The following TSPEAR variants were observed in gnomAD, a reference collection of about 807,000 sequenced individuals.
TSPEAR encodes the protein thrombospondin-type laminin G domain and EAR repeat-containing protein.
TSPEAR carries 69 observed loss-of-function variants against 71.6 expected under a neutral mutation model. The ratio of observed to expected loss-of-function variants is 0.96; its 90% CI spans 0.79 to 1.18. TSPEAR has a LOEUF of 1.18. Among genes scored for constraint, TSPEAR ranks in the 50% most tolerant of loss-of-function variants. The pLI, the probability that TSPEAR is intolerant of heterozygous loss-of-function variation, is 0.00. For missense variants in TSPEAR, 971 were observed against 894.9 expected (o/e 1.09, Z -1.09); for synonymous variants, 402 against 387.2 (o/e 1.04, Z -0.45).
chr21:44,622,929 A>G (rs891061041), intron 1 of TSPEAR, among the ~76,000 whole-genome samples: 2 of 151,974 alleles, frequency 1.3e-5, no homozygotes, highest in Non-Finnish European at 2.9e-5. Flanking sequence ...ATAGTGAGGG[A>G]GTTCTGGCAA....
chr21:44,612,812 A>G lies in TSPEAR; in HGVS notation c.83-44807T>C, dbSNP rs1981804386. On this transcript the variant is annotated intron_variant, in intron 1 of 11. Transcript: ENST00000323084. The surrounding 1 kb of genome is among the most constrained non-coding windows in gnomAD (Gnocchi z 4.1). ...TGTCCCTGCCTCCTCCTGCCAGCCC[A>G]GCTGCTGCCACCCGGCCTCCTGCCT... 2 of 1,611,914 alleles carry G rather than the reference A, an allele frequency of 1.2e-6. No homozygotes were observed. Among genetic ancestry groups the G allele is most frequent in the African/African-American group, 2.7e-5 (2 of 74,298 alleles).
In TSPEAR at chr21:44,698,884, AAC is replaced by A. The variant is rs563244205; in HGVS notation, c.82+12547_82+12548del. On this transcript the variant is annotated intron_variant, in intron 1 of 11. Coordinates refer to ENST00000323084, the MANE Select transcript of TSPEAR (RefSeq NM_144991.3). ...AAATAGATAAAGCTCCAGCCGGGGC[AAC>A]AGAGTGAAACCTTGTCTCCATTAAA... 1.4e-4 allele frequency among the ~76,000 whole-genome samples: 22 copies of A among 152,374 alleles called. No homozygotes were observed. The East Asian group carries it at 1.7e-3, about 12-fold the overall frequency.
Position 44,527,393 on chromosome 21 carries a change from T to C in TSPEAR, c.1048A>G (p.Thr350Ala), listed in dbSNP as rs782478995. ...LFVATANRKA[T>A]SAVYKWTEEK... ...TCGGTCCACTTGTAGACGGCGGATG[T>C]GGCTTTGCGATTGGCTGTGGCCACA... Residue 350 changes from threonine to alanine, a missense_variant, in exon 7 of 12, where the codon ACA (threonine) becomes GCA (alanine). By Grantham distance (58) the Thr-to-Ala change is moderately conservative. Transcript: ENST00000323084. 1.2e-6 allele frequency: 2 copies of C among 1,614,180 alleles called. No individual in the cohort carries two copies. Among genetic ancestry groups the C allele is most frequent in the South Asian group, 2.2e-5 (2 of 91,078 alleles).
intron 1 of TSPEAR, among the ~76,000 whole-genome samples, chr21:44,682,333 T>G (rs1555948211): frequency 5.9e-5 from 9 of 152,224 alleles, no homozygotes; most frequent in Non-Finnish European, 2.9e-5. Context: ...GTTTCGTGAC[T>G]AATTGCACCC....
chr21:44,571,221 A>G (rs1183671879), intron 1 of TSPEAR, among the ~76,000 whole-genome samples: 1 of 152,252 alleles, frequency 6.6e-6, no homozygotes, highest in Non-Finnish European at 1.5e-5. Context: ...TGTAAAAAGG[A>G]CAATACGTTG....
At chr21:44,601,970 C>T in intron 1 of TSPEAR, 1 of 638,076 alleles carries the variant, frequency 1.6e-6, no homozygotes. Context: ...GCAGTGACCC[C>T]AGCAAGGCCA....
At chr21:44,685,038 C>A (rs148743471) in intron 1 of TSPEAR, among the ~76,000 whole-genome samples, 3 of 152,136 alleles carry the variant, frequency 2.0e-5, no homozygotes, top group African/African-American at 7.2e-5. Context: ...GGCCACAGAT[C>A]GGCTCTGGGT....
intron 1 of TSPEAR, chr21:44,601,494 T>C: frequency 6.2e-7 from 1 of 1,612,514 alleles, no homozygotes; most frequent in Non-Finnish European, 8.5e-7. Context: ...GCCAGCAGTC[T>C]AGCTGCCAGC....
rs377124840 is a variant in TSPEAR at position 44,539,416 on chromosome 21, A to G, written c.304-5493T>C. On this transcript the variant is annotated intron_variant, in intron 2 of 11. Transcript: ENST00000323084. ...GGGCACAGCAGGAGGAGACAGGCAT[A>G]CAGCAGGCGGGCCGGCATACAGGGC... The G allele has an allele frequency of 4.0e-4, 646 of 1,602,528 alleles. 1 individual carries two copies. The highest frequency in any genetic ancestry group is 3.9e-3 in the African/African-American group (291 of 74,680).
chr21:44,504,270 G>C (rs587649808), intron 11 of TSPEAR, among the ~76,000 whole-genome samples: 1 of 143,044 alleles, frequency 7.0e-6, no homozygotes, highest in African/African-American at 2.6e-5. Flanking sequence ...AGCCCTCAGG[G>C]GGAAGCAGGG....
At chr21:44,531,972 T>C (rs587767068) in intron 3 of TSPEAR, among the ~76,000 whole-genome samples, 1 of 152,360 alleles carries the variant, frequency 6.6e-6, no homozygotes, top group African/African-American at 2.4e-5. Flanking sequence ...ACCTGCTCCT[T>C]CCAGTCTTTG....
At chr21:44,600,538 T>C (rs1980723254) in intron 1 of TSPEAR, 5 of 1,481,514 alleles carry the variant, frequency 3.4e-6, no homozygotes, top group East Asian at 2.4e-5. Flanking sequence ...AAAGCCAACA[T>C]CCCTGAGCAC....
At chr21:44,636,775 C>T (rs1217065610) in intron 1 of TSPEAR, among the ~76,000 whole-genome samples, 1 of 152,176 alleles carries the variant, frequency 6.6e-6, no homozygotes, top group African/African-American at 2.4e-5. Flanking sequence ...AGTCCAGACC[C>T]AAAGGCCAGT....
intron 1 of TSPEAR, chr21:44,697,696 C>T (rs1213200022): frequency 1.7e-5 from 27 of 1,613,150 alleles, no homozygotes; most frequent in Non-Finnish European, 2.3e-5. Context: ...GTGTGCCTGT[C>T]TGCTCTGGGG....
chr21:44,706,149 T>G (rs919315028), intron 1 of TSPEAR, among the ~76,000 whole-genome samples: 13 of 152,174 alleles, frequency 8.5e-5, no homozygotes, highest in Non-Finnish European at 1.8e-4. Context: ...CCCTTCCCAG[T>G]GCCCACCAAC....
intron 1 of TSPEAR, among the ~76,000 whole-genome samples, chr21:44,590,400 C>T (rs587631560): frequency 6.6e-6 from 1 of 152,144 alleles, no homozygotes; most frequent in South Asian, 2.1e-4. Flanking sequence ...TCCAGGACCA[C>T]AGGACCAGGA....
chr21:44,648,615 A>AGGCACAGGGGAGG (rs1984581068), intron 1 of TSPEAR, among the ~76,000 whole-genome samples: 4 of 152,196 alleles, frequency 2.6e-5, no homozygotes, highest in African/African-American at 9.6e-5. Context: ...AGGGGAGCCT[A>AGGCACAGGGGAGG]AGGCACAGGG....
rs1986376940 is a variant in TSPEAR at position 44,677,598 on chromosome 21, A to G, written c.82+33835T>C. On this transcript the variant is annotated intron_variant, in intron 1 of 11. Transcript: ENST00000323084. The stretch of plus-strand genomic sequence containing the variant: ...TGCAGGTGTGGGTTTTCCTTCATCA[A>G]TTGCAGGGTGATCAGTTTTTAAAGA... 3.8e-6 allele frequency: 4 copies of G among 1,060,512 alleles called. No homozygotes were observed. In the African/African-American group the frequency reaches 4.6e-5, roughly 12 times the overall value. The allele number at this position is 1,060,512 out of a possible 1,614,324, so 65.7% of individuals were successfully genotyped here.
At chr21:44,557,967 A>C in intron 2 of TSPEAR, 1 of 1,486,506 alleles carries the variant, frequency 6.7e-7, no homozygotes, top group East Asian at 2.3e-5. Context: ...GGCAGAGGAG[A>C]CTCAGACAGG....
Sources: allele counts gnomAD v4.1 joint callset (sites outside exome capture counted in the v4.1 genomes callset), GRCh38; gene constraint gnomAD v4.1.1; non-coding constraint Gnocchi (gnomAD v3.1); transcripts MANE v1.5; gene names NCBI Gene and HGNC (gene_info 2026-07-23, HGNC 2026-07-21).